Variants in ADAMTSL1 observed in about 807,000 individuals in gnomAD.
The protein encoded by ADAMTSL1 is ADAMTS like 1, also known as ADAMTS-like protein 1.
In ADAMTSL1, 126 loss-of-function variants were observed where a neutral mutation model predicts 201.8. The ratio of observed to expected loss-of-function variants is 0.62; its 90% CI spans 0.54 to 0.72. The LOEUF is 0.72. ADAMTSL1 is among the 30% of genes least tolerant of loss of function. ADAMTSL1 has a pLI of 0.00. For synonymous variants in ADAMTSL1, 1,121 were observed against 903.4 expected, an observed-to-expected ratio of 1.24 and a Z score of -4.32; for missense variants, 2,679 against 2,277.8, an observed-to-expected ratio of 1.18 and a Z score of -3.59.
At chr9:18,280,482 G>T (rs1832742843) in intron 2 of ADAMTSL1, among the ~76,000 whole-genome samples, 1 of 151,226 alleles carries the variant, frequency 6.6e-6, no homozygotes, top group Admixed American at 6.6e-5. Context: ...AGATCAGTTT[G>T]GCAAGAATTG....
intron 1 of ADAMTSL1, among the ~76,000 whole-genome samples, chr9:17,970,065 C>G (rs1332877972): frequency 1.3e-5 from 2 of 152,074 alleles, no homozygotes; most frequent in African/African-American, 4.8e-5. Context: ...GTAGTATATT[C>G]AGATGCCTGC....
At chr9:18,397,372 A>G (rs747491649) in intron 2 of ADAMTSL1, among the ~76,000 whole-genome samples, 3 of 152,146 alleles carry the variant, frequency 2.0e-5, no homozygotes, top group Non-Finnish European at 2.9e-5. Flanking sequence ...TCTTGAGTCT[A>G]TGATACCATT....
intron 1 of ADAMTSL1, among the ~76,000 whole-genome samples, chr9:18,066,014 A>AAAG (rs1822683090): frequency 7.4e-6 from 1 of 135,064 alleles, no homozygotes; most frequent in Non-Finnish European, 1.6e-5. Context: ...AAAAAAAAAA[A>AAAG]GAATGGCACC....
At chr9:18,529,617 A>C (rs1402896158) in intron 2 of ADAMTSL1, among the ~76,000 whole-genome samples, 1 of 152,210 alleles carries the variant, frequency 6.6e-6, no homozygotes, top group East Asian at 1.9e-4. Context: ...GTAGGCACTG[A>C]ATAAATAGTA....
chr9:18,619,422 A>C (rs1825889292), intron 4 of ADAMTSL1, among the ~76,000 whole-genome samples: 1 of 152,056 alleles, frequency 6.6e-6, no homozygotes, highest in South Asian at 2.1e-4. Flanking sequence ...GAAAAAAAAA[A>C]CAATTGTGTC....
At chr9:18,818,417 G>C (rs1824000000) in intron 21 of ADAMTSL1, among the ~76,000 whole-genome samples, 2 of 152,140 alleles carry the variant, frequency 1.3e-5, no homozygotes, top group South Asian at 4.1e-4. Flanking sequence ...GTAAGTAGGA[G>C]GAATATCTTA....
intron 15 of ADAMTSL1, among the ~76,000 whole-genome samples, chr9:18,746,259 AAG>A (rs1819137568): frequency 6.6e-6 from 1 of 152,208 alleles, no homozygotes; most frequent in Non-Finnish European, 1.5e-5. Context: ...ATGACAGTCC[AAG>A]AACCTGAAAG....
intron 2 of ADAMTSL1, among the ~76,000 whole-genome samples, chr9:18,338,829 T>C (rs918087006): frequency 8.5e-5 from 13 of 152,130 alleles, no homozygotes; most frequent in African/African-American, 2.4e-4. Context: ...TTTGTGTCCA[T>C]ATGTACTCAA....
chr9:18,826,603 G>C (rs1375736209), intron 22 of ADAMTSL1, 140 bp downstream of exon 22: 4 of 1,055,236 alleles, frequency 3.8e-6, no homozygotes, highest in African/African-American at 1.6e-5. Context: ...TCCCAATTTA[G>C]GGCCTTTCGA....
chr9:18,594,049 A>G (rs1370986295), intron 4 of ADAMTSL1, among the ~76,000 whole-genome samples: 1 of 150,808 alleles, frequency 6.6e-6, no homozygotes, highest in Admixed American at 6.6e-5. Flanking sequence ...TGTTGTTTTG[A>G]GTTTTGAGGG....
At chr9:17,985,362 A>T (rs1255286904) in intron 1 of ADAMTSL1, among the ~76,000 whole-genome samples, 1 of 152,178 alleles carries the variant, frequency 6.6e-6, no homozygotes, top group African/African-American at 2.4e-5. Context: ...TTAAAACATT[A>T]ACATTAGATA....
chr9:18,624,188 T>A (rs1826214528), intron 5 of ADAMTSL1, among the ~76,000 whole-genome samples: 2 of 152,180 alleles, frequency 1.3e-5, no homozygotes, highest in South Asian at 2.1e-4. Flanking sequence ...GCAAAAAAAA[T>A]AAAATAAATT....
intron 3 of ADAMTSL1, among the ~76,000 whole-genome samples, chr9:18,536,056 G>C (rs1315017204): frequency 3.3e-5 from 5 of 152,076 alleles, no homozygotes; most frequent in Admixed American, 2.0e-4. Context: ...TTTTTAATGA[G>C]AATCTAGAAT....
At chr9:18,704,061 A>G (rs1400952459) in intron 13 of ADAMTSL1, among the ~76,000 whole-genome samples, 1 of 152,132 alleles carries the variant, frequency 6.6e-6, no homozygotes, top group South Asian at 2.1e-4. Context: ...ATAGATCTCA[A>G]TGCGTTTGTA....
intron 1 of ADAMTSL1, among the ~76,000 whole-genome samples, chr9:17,960,205 A>C (rs1165203823): frequency 2.0e-5 from 3 of 152,174 alleles, no homozygotes; most frequent in African/African-American, 7.2e-5. Flanking sequence ...TTCAGTAAGA[A>C]GGGACAAAGT....
chr9:18,868,269 A>G (rs889850983), intron 23 of ADAMTSL1, among the ~76,000 whole-genome samples: 1 of 152,158 alleles, frequency 6.6e-6, no homozygotes, highest in African/African-American at 2.4e-5. Context: ...TTGTCTACCA[A>G]TTCCATCATC....
At chr9:18,482,753 G>A (rs1367745896) in intron 1 of ADAMTSL1, among the ~76,000 whole-genome samples, 1 of 152,082 alleles carries the variant, frequency 6.6e-6, no homozygotes, top group Non-Finnish European at 1.5e-5. Context: ...TTAGAATATT[G>A]TACTTCATCA....
chr9:18,195,733 T>C (rs529953639), intron 2 of ADAMTSL1, among the ~76,000 whole-genome samples: 2 of 152,228 alleles, frequency 1.3e-5, no homozygotes, highest in African/African-American at 4.8e-5. Context: ...ATAAGCCCTA[T>C]TGGTAATGGA....
intron 2 of ADAMTSL1, among the ~76,000 whole-genome samples, chr9:18,364,918 C>A (rs950294527): frequency 2.0e-5 from 3 of 152,062 alleles, no homozygotes; most frequent in African/African-American, 7.2e-5. Flanking sequence ...GGGTACTAAA[C>A]CATTCATCAG....
Sources: allele counts gnomAD v4.1 joint callset (sites outside exome capture counted in the v4.1 genomes callset), GRCh38; gene constraint gnomAD v4.1.1; transcripts MANE v1.5; gene names NCBI Gene and HGNC (gene_info 2026-07-23, HGNC 2026-07-21).